The following LINGO2 variants were observed in gnomAD, a reference collection of about 807,000 sequenced individuals.
LINGO2 encodes leucine rich repeat and Ig domain containing 2.
Under a neutral mutation model 30.6 loss-of-function variants are expected in LINGO2, and 14 were observed. That is an observed-to-expected ratio of 0.46 (90% CI 0.30 to 0.72). The LOEUF (loss-of-function observed/expected upper bound fraction) is 0.72, where lower values mean the gene tolerates loss of function less well. Ranked by LOEUF, LINGO2 falls within the 30% of genes least tolerant of loss-of-function variation. LINGO2 has a pLI of 0.07. For missense variants in LINGO2, 729 were observed against 751.7 expected, an observed-to-expected ratio of 0.97 and a Z score of 0.35; for synonymous variants, 317 against 288.5, an observed-to-expected ratio of 1.10 and a Z score of -1.00.
chr9:28,056,007 AAG>A (rs2133095361), intron 4 of LINGO2, among the ~76,000 whole-genome samples: 1 of 152,328 alleles, frequency 6.6e-6, no homozygotes, highest in East Asian at 1.9e-4. Flanking sequence ...GACGAAAAGA[AAG>A]AACATAGAAA....
At chr9:29,163,661 C>G in the LINGO2 span, among the ~76,000 whole-genome samples, 1 of 152,104 alleles carries the variant, frequency 6.6e-6, no homozygotes. Flanking sequence ...AGGTTCTAAG[C>G]CATAAGACTA....
At chr9:27,957,665 C>G (rs1030061712) in intron 5 of LINGO2, among the ~76,000 whole-genome samples, 2 of 141,118 alleles carry the variant, frequency 1.4e-5, no homozygotes, top group African/African-American at 6.3e-5. Flanking sequence ...GTCTTCTTTT[C>G]CAAAAATCCT....
At chr9:28,100,465 T>C (rs934464568) in intron 4 of LINGO2, among the ~76,000 whole-genome samples, 10 of 152,092 alleles carry the variant, frequency 6.6e-5, no homozygotes, top group African/African-American at 2.4e-4. Context: ...CAATGTTATG[T>C]GAAGTAGAGA....
chr9:28,031,385 T>G (rs1237458288), intron 4 of LINGO2, among the ~76,000 whole-genome samples: 1 of 152,106 alleles, frequency 6.6e-6, no homozygotes, highest in Non-Finnish European at 1.5e-5. Context: ...TTTAAAAAAT[T>G]TAACATTGAC....
At chr9:28,362,277 T>TGA (rs148560086) in intron 3 of LINGO2, among the ~76,000 whole-genome samples, 166 of 151,216 alleles carry the variant, frequency 1.1e-3, no homozygotes, top group African/African-American at 3.8e-3. Flanking sequence ...TGTGCGTGTT[T>TGA]GAGAGAGAGA....
rs987981216 is a variant in LINGO2 at position 28,025,362 on chromosome 9, C to T, written c.-86-12957G>A. Among the ~76,000 whole-genome samples, 3 of 152,182 alleles carry T rather than the reference C, an allele frequency of 2.0e-5. No individual in the cohort carries two copies. In the South Asian group the frequency reaches 6.2e-4, roughly 31 times the overall value. ...TACATAATTCATGTCCTGTGCATTT[C>T]GGCTTTTGGCCATTGAAAATACTAT... On this transcript the variant is annotated intron_variant, in intron 4 of 5. Coordinates refer to ENST00000379992, the Ensembl canonical transcript of LINGO2.
At chr9:27,942,874 AC>A in the LINGO2 span, 1 of 145,430 alleles carries the variant, frequency 6.9e-6, no homozygotes, top group Non-Finnish European at 1.5e-5. Context: ...CATGGAAAAA[AC>A]CTGAAAACAA....
At chr9:27,954,668 T>C (rs1407188658) in intron 5 of LINGO2, among the ~76,000 whole-genome samples, 2 of 152,180 alleles carry the variant, frequency 1.3e-5, no homozygotes, top group East Asian at 3.8e-4. Context: ...CATACAGATA[T>C]ACCTTTGATA....
chr9:28,383,759 G>A (rs929949378), intron 2 of LINGO2, among the ~76,000 whole-genome samples: 58 of 152,140 alleles, frequency 3.8e-4, no homozygotes, highest in African/African-American at 1.3e-3. Context: ...TTAGAGAAGG[G>A]GAGTTAGTCG....
the LINGO2 span, among the ~76,000 whole-genome samples, chr9:29,085,281 TAAAAAAAAAAAAAAAAAAAA>T: frequency 1.3e-4 from 10 of 77,054 alleles, no homozygotes; most frequent in East Asian, 2.8e-3. Context: ...CTATGGTAAG[TAAAAAAAAAAAAAAAAAAAA>T]AAAAAAAAAA....
intron 4 of LINGO2, among the ~76,000 whole-genome samples, chr9:28,200,847 G>A (rs1265670206): frequency 6.6e-6 from 1 of 152,114 alleles, no homozygotes; most frequent in Non-Finnish European, 1.5e-5. Context: ...AAATGACTTT[G>A]GTTAAAAACA....
the LINGO2 span, among the ~76,000 whole-genome samples, chr9:29,032,687 C>A: frequency 6.6e-6 from 1 of 152,068 alleles, no homozygotes; most frequent in African/African-American, 2.4e-5. Flanking sequence ...ATGCCAAAGC[C>A]TGTAGACCAA....
At chr9:28,739,151 T>C in the LINGO2 span, among the ~76,000 whole-genome samples, 2 of 151,998 alleles carry the variant, frequency 1.3e-5, no homozygotes, top group Non-Finnish European at 2.9e-5. Flanking sequence ...CCTTTCATTA[T>C]TGAGCCACTT....
chr9:28,169,220 G>C (rs1400125745), intron 4 of LINGO2, among the ~76,000 whole-genome samples: 1 of 152,176 alleles, frequency 6.6e-6, no homozygotes, highest in Non-Finnish European at 1.5e-5. Context: ...TGAGGCAGCA[G>C]CATGCAGAAC....
At chr9:29,208,347 T>G in the LINGO2 span, among the ~76,000 whole-genome samples, 4 of 152,208 alleles carry the variant, frequency 2.6e-5, no homozygotes, top group Non-Finnish European at 5.9e-5. Flanking sequence ...ATCAAAACTC[T>G]TTAAGAACAG....
At chr9:28,392,177 TG>T (rs1323092180) in intron 2 of LINGO2, among the ~76,000 whole-genome samples, 1 of 152,212 alleles carries the variant, frequency 6.6e-6, no homozygotes, top group Non-Finnish European at 1.5e-5. Context: ...CGTTCCAGCC[TG>T]GTGACAGAGC....
chr9:29,208,758 G>GA, the LINGO2 span, among the ~76,000 whole-genome samples: 2 of 152,018 alleles, frequency 1.3e-5, no homozygotes, highest in East Asian at 1.9e-4. Flanking sequence ...CTGAGCCTTA[G>GA]AAAAAATAAG....
chr9:28,415,028 G>C (rs1822912103), intron 2 of LINGO2, among the ~76,000 whole-genome samples: 1 of 151,966 alleles, frequency 6.6e-6, no homozygotes, highest in Non-Finnish European at 1.5e-5. Flanking sequence ...ATGGTATGTG[G>C]TCATTAATTA....
chr9:28,079,136 C>A (rs571363348), intron 4 of LINGO2, among the ~76,000 whole-genome samples: 2 of 150,960 alleles, frequency 1.3e-5, no homozygotes, highest in East Asian at 3.9e-4. Context: ...TGAAATACTA[C>A]TATTAGGCTT....
Sources: allele counts gnomAD v4.1 joint callset (sites outside exome capture counted in the v4.1 genomes callset), GRCh38; gene constraint gnomAD v4.1.1; transcripts MANE v1.5; gene names NCBI Gene and HGNC (gene_info 2026-07-23, HGNC 2026-07-21).